The following CCNT1 variants were observed in gnomAD, a reference collection of about 807,000 sequenced individuals.
CCNT1 encodes the protein cyclin T1.
CCNT1 carries 18 observed loss-of-function variants against 67.3 expected under a neutral mutation model. The ratio of observed to expected loss-of-function variants is 0.27; its 90% CI spans 0.18 to 0.40. The LOEUF is 0.40. CCNT1 is among the 10% of genes least tolerant of loss of function. CCNT1 has a pLI of 1.00. For synonymous variants in CCNT1, 333 were observed against 310.3 expected (o/e 1.07, Z -0.77); for missense variants, 744 against 884.9 (o/e 0.84, Z 2.02).
intron 6 of CCNT1, 165 bp downstream of exon 6, chr12:48,697,973 A>G: frequency 2.1e-6 from 1 of 473,372 alleles, no homozygotes; most frequent in Non-Finnish European, 3.8e-6. Context: ...CTAAATAATT[A>G]CATAACCTTA....
At chr12:48,713,641 C>T (rs1290732262) in intron 2 of CCNT1, among the ~76,000 whole-genome samples, 1 of 151,996 alleles carries the variant, frequency 6.6e-6, no homozygotes, top group Non-Finnish European at 1.5e-5. Context: ...TTAAAAATTA[C>T]CAGATATGTT....
In CCNT1 at chr12:48,689,453, G is replaced by A. The variant is rs1186123221; in HGVS notation, c.*3580C>T. 1.3e-5 allele frequency: 2 copies of A among 152,164 alleles called. No homozygotes were observed. The highest frequency in any genetic ancestry group is 4.8e-5 in the African/African-American group (2 of 41,440). The allele number at this position is 152,164 out of a possible 1,614,324, so 9.4% of individuals were successfully genotyped here. ...ATCAGGAGCAAACACTCAGTTAAAA[G>A]CTGGGTGTTAACAAGCAGCAACTCA... On this transcript the variant is annotated 3_prime_UTR_variant, in exon 9 of 9. Coordinates refer to ENST00000261900, the MANE Select transcript of CCNT1 (RefSeq NM_001240.4).
Position 48,694,047 on chromosome 12 carries a change from C to T in CCNT1, c.1167G>A (p.Leu389=). Residue 389 remains leucine (L), a synonymous_variant, in exon 9 of 9, where the codon CTG becomes CTA. Coordinates refer to ENST00000261900, the MANE Select transcript of CCNT1 (RefSeq NM_001240.4). ...SKSVPSAKVS[L]KEYRAKHAEE... is the part of the protein sequence containing the mutation. ...CTGCATGCTTCGCGCGGTATTCTTT[C>T]AGTGACACTTTAGCTGATGGCACAC... The T allele has an allele frequency of 3.1e-6, 5 of 1,614,218 alleles. No individual in the cohort carries two copies. The highest frequency in any genetic ancestry group is 2.5e-6 in the Non-Finnish European group (3 of 1,180,024).
In CCNT1 at chr12:48,692,918, T is replaced by C. The variant is rs1940098473; in HGVS notation, c.*115A>G. 7.1e-6 allele frequency: 5 copies of C among 700,294 alleles called. No individual in the cohort carries two copies. Among genetic ancestry groups the C allele is most frequent in the African/African-American group, 1.8e-5 (1 of 55,740 alleles). The allele number at this position is 700,294 out of a possible 1,614,324, so 43.4% of individuals were successfully genotyped here. A position where few individuals can be genotyped will look rare whatever the true frequency, so the allele number is the denominator to read the frequency against. ...TCCTAACTATGTCTCAATATCAATT[T>C]ATTCCCTAGTCCAAGGATGACATAT... On this transcript the variant is annotated 3_prime_UTR_variant, in exon 9 of 9. Transcript: ENST00000261900.
chr12:48,716,261 A>C (rs1351584248), intron 1 of CCNT1, among the ~76,000 whole-genome samples: 1 of 152,242 alleles, frequency 6.6e-6, no homozygotes, highest in Non-Finnish European at 1.5e-5. Flanking sequence ...AGGGCTGGTT[A>C]AAACACAAAG....
intron 3 of CCNT1, 69 bp downstream of exon 3, chr12:48,705,699 G>A: frequency 7.9e-7 from 1 of 1,271,104 alleles, no homozygotes; most frequent in Admixed American, 2.1e-5. Flanking sequence ...ATCCAGGCAT[G>A]CTTGGGAGTA....
intron 2 of CCNT1, 86 bp from the exon 3 acceptor site, chr12:48,705,982 A>C: frequency 7.6e-6 from 10 of 1,324,384 alleles, no homozygotes; most frequent in Non-Finnish European, 8.2e-6. Context: ...TAAGTCTCAA[A>C]TCAAGTTATT....
intron 2 of CCNT1, among the ~76,000 whole-genome samples, chr12:48,707,210 A>G (rs1193410410): frequency 1.3e-5 from 2 of 152,190 alleles, no homozygotes; most frequent in African/African-American, 4.8e-5. Flanking sequence ...ATCTAGGCGT[A>G]AAGCACATTT....
At chr12:48,704,313 C>A (rs1940320599) in intron 3 of CCNT1, among the ~76,000 whole-genome samples, 1 of 152,200 alleles carries the variant, frequency 6.6e-6, no homozygotes, top group Admixed American at 6.5e-5. Context: ...TATTTATAGC[C>A]TCTCCCCACC....
intron 2 of CCNT1, among the ~76,000 whole-genome samples, chr12:48,711,125 T>C (rs1319813779): frequency 6.6e-6 from 1 of 151,744 alleles, no homozygotes; most frequent in Non-Finnish European, 1.5e-5. Flanking sequence ...CTCACACCTG[T>C]AATCCCAGCA....
intron 2 of CCNT1, among the ~76,000 whole-genome samples, chr12:48,711,666 TTCTC>T (rs1007391070): frequency 2.0e-5 from 3 of 152,140 alleles, no homozygotes; most frequent in African/African-American, 7.2e-5. Context: ...GCTAACAGGC[TTCTC>T]TCTCTTTTAA....
In CCNT1 at chr12:48,716,439, C is replaced by G. The variant is rs577030945; in HGVS notation, c.161+76G>C. 3.1e-5 allele frequency: 43 copies of G among 1,391,802 alleles called. No homozygotes were observed. In the South Asian group the frequency reaches 3.9e-4, roughly 13 times the overall value. The allele number at this position is 1,391,802 out of a possible 1,614,324, so 86.2% of individuals were successfully genotyped here. A position where few individuals can be genotyped will look rare whatever the true frequency, so the allele number is the denominator to read the frequency against. On this transcript the variant is annotated intron_variant, in intron 1 of 8. Transcript: ENST00000261900. ...ACCTTCTTCCCCACTTTCGTCCCCC[C>G]CACAGAGCCTGAGACCCGGACGCCA...
At chr12:48,698,765 C>T (rs1940220399) in intron 5 of CCNT1, among the ~76,000 whole-genome samples, 1 of 152,162 alleles carries the variant, frequency 6.6e-6, no homozygotes, top group Non-Finnish European at 1.5e-5. Context: ...CAAGACCAGC[C>T]TGACCAACAT....
chr12:48,715,677 G>A (rs1940522598), intron 1 of CCNT1, among the ~76,000 whole-genome samples: 1 of 152,016 alleles, frequency 6.6e-6, no homozygotes, highest in South Asian at 2.1e-4. Context: ...TGGCCAGGCT[G>A]GTCTCGAACT....
chr12:48,697,522 T>TAAAAAAAAAAAAAAAAA (rs1205232506), intron 6 of CCNT1, among the ~76,000 whole-genome samples: 1 of 116,802 alleles, frequency 8.6e-6, no homozygotes. Flanking sequence ...GACTCTGTCT[T>TAAAAAAAAAAAAAAAAA]AAAAAAAAAA....
At chr12:48,712,595 T>TAAAAAAAAAA (rs759919820) in intron 2 of CCNT1, among the ~76,000 whole-genome samples, 14 of 33,366 alleles carry the variant, frequency 4.2e-4, no homozygotes, top group Admixed American at 1.0e-3. Context: ...AAAAAAAAAA[T>TAAAAAAAAAA]AAAAAAAAAA....
At chr12:48,714,852 G>T (rs764903470) in intron 1 of CCNT1, among the ~76,000 whole-genome samples, 1 of 151,942 alleles carries the variant, frequency 6.6e-6, no homozygotes, top group Non-Finnish European at 1.5e-5. Context: ...ACACTCTGTC[G>T]CCCACACTGG....
At chr12:48,703,390 A>G (rs1028391174) in intron 3 of CCNT1, among the ~76,000 whole-genome samples, 14 of 151,950 alleles carry the variant, frequency 9.2e-5, no homozygotes, top group African/African-American at 3.1e-4. Context: ...CCTGACCAAC[A>G]TGGAGAAACC....
In CCNT1 at chr12:48,693,034, TAC is replaced by T; in HGVS notation, c.2178_2179del (p.Ter727LysfsTer39). 6.5e-7 allele frequency: 1 copy of T among 1,526,806 alleles called. No individual in the cohort carries two copies. Among genetic ancestry groups the T allele is most frequent in the South Asian group, 1.3e-5 (1 of 79,418 alleles). 94.6% of individuals were successfully genotyped at this position (1,526,806 alleles called of 1,614,324 possible). The stretch of plus-strand genomic sequence containing the variant: ...TTTTCTCCTCTTCTTTTTCTTTTTT[TAC>T]TTAGGAAGGGGTGGAAGTGGTGGAG... On this transcript the variant is annotated frameshift_variant and stop_lost, in exon 9 of 9. Transcript: ENST00000261900. LOFTEE classifies it high-confidence loss of function.
Sources: allele counts gnomAD v4.1 joint callset (sites outside exome capture counted in the v4.1 genomes callset), GRCh38; gene constraint gnomAD v4.1.1; transcripts MANE v1.5; gene names NCBI Gene and HGNC (gene_info 2026-07-23, HGNC 2026-07-21).